The following HIBCH variants were observed in gnomAD, a reference collection of about 807,000 sequenced individuals.
HIBCH encodes the protein 3-hydroxyisobutyryl-CoA hydrolase, mitochondrial.
A neutral mutation model predicts 58.2 loss-of-function variants in HIBCH; 50 were observed. The ratio of observed to expected loss-of-function variants is 0.86; its 90% CI spans 0.68 to 1.09. The LOEUF (loss-of-function observed/expected upper bound fraction) is 1.09. HIBCH is among the 50% of genes least tolerant of loss of function. The pLI is 0.00. For missense variants in HIBCH, 450 were observed against 449.7 expected (o/e 1.00, Z -0.01); for synonymous variants, 151 against 146.9 (o/e 1.03, Z -0.20).
At chr2:190,200,057 CTCAGG>C (rs1381118834), downstream of HIBCH, 1 of 1,613,956 alleles carries the variant, frequency 6.2e-7, no homozygotes, top group Non-Finnish European at 8.5e-7. Context: ...CACCGCCTGT[CTCAGG>C]ATATCTTGTG....
At chr2:190,212,558 C>T (rs1690537465) in intron 12 of HIBCH, among the ~76,000 whole-genome samples, 1 of 152,088 alleles carries the variant, frequency 6.6e-6, no homozygotes, top group African/African-American at 2.4e-5. Context: ...TAATAACTTC[C>T]ATTTGTGCAT....
At chr2:190,233,917 G>C (rs1172197668) in intron 11 of HIBCH, among the ~76,000 whole-genome samples, 2 of 152,182 alleles carry the variant, frequency 1.3e-5, no homozygotes, top group Non-Finnish European at 2.9e-5. Flanking sequence ...CAGCACTTTG[G>C]GAGGCCAAGG....
intron 7 of HIBCH, 110 bp from the exon 8 acceptor site, chr2:190,252,417 C>T: frequency 2.3e-6 from 2 of 864,924 alleles, no homozygotes; most frequent in East Asian, 2.7e-5. Flanking sequence ...CTTGAATATA[C>T]ATTACAAACA....
At chr2:190,227,072 A>G (rs1426604417) in intron 11 of HIBCH, among the ~76,000 whole-genome samples, 1 of 152,160 alleles carries the variant, frequency 6.6e-6, no homozygotes, top group African/African-American at 2.4e-5. Context: ...GAATTGGAAA[A>G]AACTACTTTA....
chr2:190,295,479 T>G (rs1688080253), intron 3 of HIBCH, among the ~76,000 whole-genome samples: 1 of 152,216 alleles, frequency 6.6e-6, no homozygotes, highest in South Asian at 2.1e-4. Context: ...CGAGCAATCA[T>G]GAGGCCAGGT....
chr2:190,230,594 C>G (rs980317734), intron 11 of HIBCH, among the ~76,000 whole-genome samples: 2 of 152,130 alleles, frequency 1.3e-5, no homozygotes, highest in African/African-American at 4.8e-5. Flanking sequence ...ACTAGGGAGG[C>G]TGAGGCAGAA....
chr2:190,248,350 A>G (rs151214616), intron 9 of HIBCH, among the ~76,000 whole-genome samples: 109 of 152,008 alleles, frequency 7.2e-4, no homozygotes, highest in African/African-American at 2.6e-3. Context: ...TTTTCTTCCA[A>G]TGTATTGCTT....
chr2:190,285,157 CTGTG>C, intron 6 of HIBCH, among the ~76,000 whole-genome samples: 1 of 152,318 alleles, frequency 6.6e-6, no homozygotes. Context: ...AGCTTTGCTA[CTGTG>C]TATTAGTTCC....
intron 11 of HIBCH, among the ~76,000 whole-genome samples, chr2:190,226,914 C>A (rs1410966284): frequency 6.6e-6 from 1 of 152,086 alleles, no homozygotes; most frequent in Non-Finnish European, 1.5e-5. Flanking sequence ...AACCACTGCT[C>A]AACGAAATAA....
Position 190,319,702 on chromosome 2 carries a change from G to A in HIBCH, c.35+14C>T. On this transcript the variant is annotated intron_variant, in intron 1 of 13. Coordinates refer to ENST00000359678, the MANE Select transcript of HIBCH (RefSeq NM_014362.4). ...CTGAAGAGCCTGCCCTTGGCCCCTC[G>A]CTCTCTCACTCACCTCGACATGAGC... 2 of 1,605,778 alleles carry A rather than the reference G, an allele frequency of 1.2e-6. No individual in the cohort carries two copies. Among genetic ancestry groups the A allele is most frequent in the South Asian group, 1.1e-5 (1 of 90,464 alleles).
At chr2:190,287,058 G>A (rs113215822) in intron 6 of HIBCH, among the ~76,000 whole-genome samples, 78 of 147,766 alleles carry the variant, frequency 5.3e-4, no homozygotes, top group East Asian at 9.8e-4. Flanking sequence ...GTGTGTGTGT[G>A]TATACATATA....
chr2:190,277,319 TA>T (rs1687579967), intron 6 of HIBCH, among the ~76,000 whole-genome samples: 1 of 152,130 alleles, frequency 6.6e-6, no homozygotes, highest in South Asian at 2.1e-4. Flanking sequence ...TCATGGTGGG[TA>T]ACAAGAGAAA....
In HIBCH at chr2:190,306,515, G is replaced by C. The variant is rs960341540; in HGVS notation, c.78+4239C>G. 4.6e-5 allele frequency among the ~76,000 whole-genome samples: 7 copies of C among 152,066 alleles called. No homozygotes were observed. The highest frequency in any genetic ancestry group is 1.7e-4 in the African/African-American group (7 of 41,402). On this transcript the variant is annotated intron_variant, in intron 2 of 13. Coordinates refer to ENST00000359678, the MANE Select transcript of HIBCH (RefSeq NM_014362.4). This position sits in a 1 kb window ranked among gnomAD's most constrained non-coding sequence, Gnocchi z 4.6. ...AGGTTTCCCAAATTGCATGACAGTTGTACTGTCATGCAATATACTGCATAT... is the reference window on the plus strand; with the variant it reads ...AGGTTTCCCAAATTGCATGACAGTTCTACTGTCATGCAATATACTGCATAT...
chr2:190,298,979 C>T (rs796163658), intron 2 of HIBCH, among the ~76,000 whole-genome samples: 2 of 152,122 alleles, frequency 1.3e-5, no homozygotes, highest in Non-Finnish European at 2.9e-5. Context: ...CCAGTTTTCC[C>T]AGCACCATTT....
At chr2:190,241,971 G>A (rs1475611296) in intron 11 of HIBCH, among the ~76,000 whole-genome samples, 4 of 152,042 alleles carry the variant, frequency 2.6e-5, no homozygotes, top group Non-Finnish European at 5.9e-5. Context: ...GAGCATCTTC[G>A]CGGCGTTCTC....
At chr2:190,272,252 C>T (rs1687419792) in intron 6 of HIBCH, among the ~76,000 whole-genome samples, 1 of 152,160 alleles carries the variant, frequency 6.6e-6, no homozygotes, top group Non-Finnish European at 1.5e-5. Flanking sequence ...TGTTTTATCA[C>T]CAGAGCCCAA....
intron 6 of HIBCH, among the ~76,000 whole-genome samples, chr2:190,274,841 A>C (rs932138733): frequency 3.4e-4 from 52 of 152,326 alleles, no homozygotes; most frequent in East Asian, 1.9e-4. Flanking sequence ...TGTTGATAGG[A>C]GTCTCTTGCA....
chr2:190,266,933 T>C (rs1243685199), intron 6 of HIBCH, among the ~76,000 whole-genome samples: 1 of 150,744 alleles, frequency 6.6e-6, no homozygotes, highest in Admixed American at 6.6e-5. Context: ...GTTTTTGTTT[T>C]TTTAGTAGAG....
intron 11 of HIBCH, among the ~76,000 whole-genome samples, chr2:190,221,086 G>C (rs892471024): frequency 1.6e-5 from 2 of 122,620 alleles, no homozygotes; most frequent in Non-Finnish European, 4.1e-5. Flanking sequence ...ATCTGTGCTT[G>C]TTTCATACAC....
Sources: gnomAD v4.1 joint callset for allele counts (sites outside exome capture counted in the v4.1 genomes callset) on GRCh38, gnomAD v4.1.1 for gene constraint, Gnocchi (gnomAD v3.1) non-coding constraint, MANE v1.5 for transcripts, NCBI Gene and HGNC (gene_info 2026-07-23, HGNC 2026-07-21) for gene names.